The following SLC45A2 variants were observed in gnomAD, a reference collection of about 807,000 sequenced individuals.
The protein encoded by SLC45A2 is solute carrier family 45 member 2, also known as membrane-associated transporter protein.
Under a neutral mutation model 45.5 loss-of-function variants are expected in SLC45A2, and 36 were observed. The ratio of observed to expected loss-of-function variants is 0.79; its 90% CI spans 0.61 to 1.04. The LOEUF (loss-of-function observed/expected upper bound fraction) is 1.04. Ranked by LOEUF, SLC45A2 falls within the 50% of genes least tolerant of loss-of-function variation. The probability of loss-of-function intolerance (pLI) is 0.00; values close to 1 mark genes in which losing one functional copy is unlikely to be tolerated. For synonymous variants in SLC45A2, 306 were observed against 269.3 expected, an observed-to-expected ratio of 1.14 and a Z score of -1.33; for missense variants, 719 against 671.0, an observed-to-expected ratio of 1.07 and a Z score of -0.79.
chr5:33,979,519 G>T (rs958609044), intron 2 of SLC45A2, among the ~76,000 whole-genome samples: 1 of 152,206 alleles, frequency 6.6e-6, no homozygotes. Flanking sequence ...AAAGGGAAGA[G>T]TGAGGAGTAC....
At chr5:33,978,447 C>A (rs377640506) in intron 2 of SLC45A2, among the ~76,000 whole-genome samples, 1 of 151,934 alleles carries the variant, frequency 6.6e-6, no homozygotes, top group Non-Finnish European at 1.5e-5. Flanking sequence ...GAGCCTGACA[C>A]CTTCTAAGAC....
At position 33,963,979 on chromosome 5, in the gene SLC45A2, T is replaced by C. The variant is rs774818193; in HGVS notation, c.600A>G (p.Ile200Met). 5.0e-6 allele frequency: 8 copies of C among 1,613,972 alleles called. No individual in the cohort carries two copies. In the East Asian group the frequency reaches 1.6e-4, roughly 31 times the overall value. The change falls in exon 3 of 7, where the codon ATA becomes ATG. Residue 200 changes from isoleucine (I) to methionine (M), a missense_variant. By Grantham distance (10) the Ile-to-Met change is conservative. Transcript: ENST00000296589. ...TTCCCAGCTCCAGATGGGCCCAGTC[T>C]ATAGCACCCAAAAGGTAACCCAGGG... is the stretch of plus-strand genomic sequence containing the variant. ...GGALGYLLGA[I>M]DWAHLELGRL...
intron 2 of SLC45A2, among the ~76,000 whole-genome samples, chr5:33,967,725 C>T (rs957151752): frequency 3.3e-5 from 5 of 151,836 alleles, no homozygotes; most frequent in African/African-American, 9.7e-5. Context: ...TTTATAACCC[C>T]TTGTCTTGTA....
chr5:33,944,836 C>A lies in SLC45A2; in HGVS notation c.1405G>T (p.Val469Leu). ...QAPGGDPDNS[V>L]RGKGMDCATL... is the part of the protein sequence containing the mutation. ...GCGCAGTCCATGCCCTTCCCTCTCA[C>A]GCTGTTGTCTGGGTCCCCTCCTGGG... The change falls in exon 7 of 7, where the codon GTG (valine) becomes TTG (leucine). Residue 469 changes from valine to leucine, a missense_variant. Val to Leu is a conservative substitution (Grantham distance 32). Coordinates refer to ENST00000296589, the MANE Select transcript of SLC45A2 (RefSeq NM_016180.5). 6.8e-6 allele frequency: 11 copies of A among 1,613,950 alleles called. No homozygotes were observed. The highest frequency in any genetic ancestry group is 9.3e-6 in the Non-Finnish European group (11 of 1,179,920).
chr5:33,974,944 A>G (rs1473068631), intron 2 of SLC45A2, among the ~76,000 whole-genome samples: 1 of 152,256 alleles, frequency 6.6e-6, no homozygotes. Flanking sequence ...ATTGTATTTT[A>G]TGAGTAATCT....
chr5:33,984,563 C>T lies in SLC45A2; in HGVS notation c.21G>A (p.Gln7=). The change falls in exon 1 of 7, where the codon CAG becomes CAA. Residue 7 remains glutamine, a synonymous_variant. Transcript: ENST00000296589. The part of the protein sequence containing the change: MGSNSG[Q]AGRHIYKSLA... ...GGGATTTATAGATGTGGCGGCCAGCCTGCCCACTGTTGCTACCCATGGCCA... is the reference window on the plus strand; with the variant it reads ...GGGATTTATAGATGTGGCGGCCAGCTTGCCCACTGTTGCTACCCATGGCCA... 6.2e-7 allele frequency: 1 copy of T among 1,610,896 alleles called. No individual in the cohort carries two copies. Among genetic ancestry groups the T allele is most frequent in the Non-Finnish European group, 8.5e-7 (1 of 1,180,020 alleles).
intron 4 of SLC45A2, among the ~76,000 whole-genome samples, chr5:33,953,119 G>C (rs1186844285): frequency 6.8e-6 from 1 of 147,154 alleles, no homozygotes; most frequent in African/African-American, 2.5e-5. Context: ...TTGGTTCCAA[G>C]TCTTTGCTAT....
intron 3 of SLC45A2, among the ~76,000 whole-genome samples, chr5:33,963,055 T>C (rs1300211362): frequency 1.3e-5 from 2 of 152,262 alleles, no homozygotes; most frequent in Admixed American, 1.3e-4. Context: ...ATGTAGCTAA[T>C]GCAACTGAAG....
intron 1 of SLC45A2, among the ~76,000 whole-genome samples, chr5:33,982,761 T>A (rs1050089095): frequency 6.6e-6 from 1 of 152,196 alleles, no homozygotes; most frequent in African/African-American, 2.4e-5. Context: ...AGGCACTGAA[T>A]TGTACACTTT....
At chr5:33,953,513 A>T (rs2111923949) in intron 4 of SLC45A2, among the ~76,000 whole-genome samples, 1 of 152,162 alleles carries the variant, frequency 6.6e-6, no homozygotes, top group African/African-American at 2.4e-5. Context: ...GTGTCTGTTC[A>T]GATTTTGTCA....
Position 33,982,226 on chromosome 5 carries a change from T to G in SLC45A2, c.562+10A>C, listed in dbSNP as rs1045190968. 3 of 1,613,824 alleles carry G rather than the reference T, an allele frequency of 1.9e-6. No homozygotes were observed. Among genetic ancestry groups the G allele is most frequent in the Non-Finnish European group, 2.5e-6 (3 of 1,179,878 alleles). On this transcript the variant is annotated intron_variant, in intron 2 of 6. Coordinates refer to ENST00000296589, the MANE Select transcript of SLC45A2 (RefSeq NM_016180.5). ...GAGCTGAAGGAGAGACTTTCTGGAA[T>G]ATTCCCTACCTGTGAAGAGGGCATG...
rs1390251343 is a variant in SLC45A2 at position 33,984,268 on chromosome 5, T to C, written c.316A>G (p.Ile106Val). ...RSRWGRRRPY[I>V]LTLGVMMLVG... The stretch of plus-strand genomic sequence containing the variant: ...AGCATCATGACTCCCAGGGTGAGGA[T>C]GTAGGGTCTCCGGCGGCCCCACCTG... The change falls in exon 1 of 7, where the codon ATC (isoleucine) becomes GTC (valine). Residue 106 changes from isoleucine (I) to valine (V), a missense_variant. Ile to Val is a conservative substitution (Grantham distance 29, BLOSUM62 3). Coordinates refer to ENST00000296589, the MANE Select transcript of SLC45A2 (RefSeq NM_016180.5). 7.4e-6 allele frequency: 12 copies of C among 1,614,106 alleles called. No individual in the cohort carries two copies. The highest frequency in any genetic ancestry group is 1.0e-5 in the Non-Finnish European group (12 of 1,180,010).
At chr5:33,947,402 C>A in intron 5 of SLC45A2, 28 bp from the exon 6 acceptor site, 1 of 1,588,104 alleles carries the variant, frequency 6.3e-7, no homozygotes, top group Non-Finnish European at 8.6e-7. Context: ...GGAGAAATTA[C>A]AGCTGGCAGT....
intron 3 of SLC45A2, among the ~76,000 whole-genome samples, chr5:33,957,154 TATAAG>T (rs1157639524): frequency 6.6e-6 from 1 of 152,174 alleles, no homozygotes; most frequent in Non-Finnish European, 1.5e-5. Flanking sequence ...CATCTTGTCA[TATAAG>T]AGAAGAAAGA....
intron 2 of SLC45A2, among the ~76,000 whole-genome samples, chr5:33,973,614 G>A (rs1316451097): frequency 6.6e-6 from 1 of 152,140 alleles, no homozygotes; most frequent in Non-Finnish European, 1.5e-5. Context: ...TTTGTTGCAT[G>A]TTCGCATTTT....
intron 2 of SLC45A2, among the ~76,000 whole-genome samples, chr5:33,965,100 C>A (rs879134274): frequency 6.6e-6 from 1 of 152,204 alleles, no homozygotes; most frequent in Non-Finnish European, 1.5e-5. Flanking sequence ...CTACCAACCA[C>A]AACTTATCTA....
chr5:33,982,175 T>G, intron 2 of SLC45A2, 61 bp downstream of exon 2: 2 of 1,590,672 alleles, frequency 1.3e-6, no homozygotes, highest in South Asian at 2.2e-5. Flanking sequence ...CTGGATGGCT[T>G]TAGTGGAAGT....
Position 33,970,896 on chromosome 5 carries a change from T to C in SLC45A2, c.563-6880A>G, listed in dbSNP as rs953896835. 1.1e-5 allele frequency: 4 copies of C among 369,042 alleles called. No homozygotes were observed. The East Asian group carries it at 2.1e-4, about 20-fold the overall frequency. 22.9% of individuals were successfully genotyped at this position (369,042 alleles called of 1,614,324 possible). ...CCCTAGAGATAAGATATTTCAGGAC[T>C]ACAGCAAGAAGCTGCCAGAGTGCAT... On this transcript the variant is annotated intron_variant, in intron 2 of 6. Transcript: ENST00000296589.
At chr5:33,946,553 G>T (rs774005491) in intron 6 of SLC45A2, 45 of 990,142 alleles carry the variant, frequency 4.5e-5, no homozygotes, top group Admixed American at 5.8e-5. Flanking sequence ...ATAGGCGCTT[G>T]TTCACTAGTT....
Sources: gnomAD v4.1 joint callset for allele counts (sites outside exome capture counted in the v4.1 genomes callset) on GRCh38, gnomAD v4.1.1 for gene constraint, MANE v1.5 for transcripts, NCBI Gene and HGNC (gene_info 2026-07-23, HGNC 2026-07-21) for gene names.